RALGAPB: variants seen among roughly 807,000 people sequenced by gnomAD.
RALGAPB encodes ral GTPase-activating protein subunit beta.
A neutral mutation model predicts 161.1 loss-of-function variants in RALGAPB; 25 were observed. The observed-to-expected ratio is 0.16, with a 90% CI of 0.11 to 0.22. The LOEUF is 0.22. Ranked by LOEUF, RALGAPB falls within the 10% of genes least tolerant of loss-of-function variation. The probability of loss-of-function intolerance (pLI) is 1.00; values close to 1 mark genes in which losing one functional copy is unlikely to be tolerated. For synonymous variants in RALGAPB, 629 were observed against 626.1 expected (o/e 1.00, Z -0.07); for missense variants, 1,391 against 1,815.2 (o/e 0.77, Z 4.25).
chr20:38,491,009 T>C (rs962255689), intron 2 of RALGAPB, among the ~76,000 whole-genome samples: 5 of 152,230 alleles, frequency 3.3e-5, no homozygotes, highest in Admixed American at 2.0e-4. Context: ...GTTTTTCATC[T>C]GATAATTAGG....
At chr20:38,534,344 G>C (rs1568950345) in intron 15 of RALGAPB, 1 of 152,478 alleles carries the variant, frequency 6.6e-6, no homozygotes, top group African/African-American at 2.4e-5. Flanking sequence ...TCTCTTTAAT[G>C]ATCATTCCTT....
At chr20:38,504,797 T>C (rs562146502) in intron 5 of RALGAPB, among the ~76,000 whole-genome samples, 1 of 152,250 alleles carries the variant, frequency 6.6e-6, no homozygotes, top group East Asian at 1.9e-4. Context: ...AAAGAAGACA[T>C]ATAAGTGGCC....
At chr20:38,512,790 C>T (rs897731098) in intron 6 of RALGAPB, among the ~76,000 whole-genome samples, 4 of 152,068 alleles carry the variant, frequency 2.6e-5, no homozygotes, top group South Asian at 2.1e-4. Flanking sequence ...GATGGAGTCT[C>T]GCTCTGTCAC....
At chr20:38,522,694 T>C (rs893782914) in intron 10 of RALGAPB, among the ~76,000 whole-genome samples, 24 of 152,252 alleles carry the variant, frequency 1.6e-4, no homozygotes, top group African/African-American at 5.1e-4. Context: ...TTTATAGATA[T>C]GAAAAAGAAT....
chr20:38,527,966 G>T (rs1052847703), intron 13 of RALGAPB, among the ~76,000 whole-genome samples: 4 of 152,150 alleles, frequency 2.6e-5, no homozygotes, highest in Non-Finnish European at 4.4e-5. Flanking sequence ...TTCTGTCCTA[G>T]CCTTTCCAGG....
At chr20:38,486,067 T>A (rs2085106258) in intron 1 of RALGAPB, among the ~76,000 whole-genome samples, 1 of 151,714 alleles carries the variant, frequency 6.6e-6, no homozygotes, top group Admixed American at 6.6e-5. Flanking sequence ...CCTCCCGGTT[T>A]CACGTGATTT....
intron 6 of RALGAPB, among the ~76,000 whole-genome samples, chr20:38,510,403 AT>A (rs1179515633): frequency 6.6e-6 from 1 of 152,202 alleles, no homozygotes; most frequent in Non-Finnish European, 1.5e-5. Flanking sequence ...ATTTACTGAT[AT>A]TTAGTAGGTC....
intron 26 of RALGAPB, among the ~76,000 whole-genome samples, chr20:38,567,990 T>G (rs1379050408): frequency 6.6e-6 from 1 of 152,164 alleles, no homozygotes; most frequent in Non-Finnish European, 1.5e-5. Context: ...AATCAGGAGT[T>G]TTTAAAAGGT....
chr20:38,564,693 T>C (rs958076038), intron 24 of RALGAPB, among the ~76,000 whole-genome samples: 1 of 152,176 alleles, frequency 6.6e-6, no homozygotes, highest in Non-Finnish European at 1.5e-5. Flanking sequence ...TTACTAAAAC[T>C]GGCTGTACAT....
Position 38,558,430 on chromosome 20 carries a change from C to T in RALGAPB, c.3508C>T (p.Pro1170Ser). The T allele has an allele frequency of 6.3e-7, 1 of 1,594,090 alleles. No individual in the cohort carries two copies. Among genetic ancestry groups the T allele is most frequent in the Non-Finnish European group, 8.5e-7 (1 of 1,169,814 alleles). The change falls in exon 23 of 30, where the codon CCA (proline) becomes TCA (serine). Residue 1170 changes from proline to serine, a missense_variant. Transcript: ENST00000262879. ...FDTVFIFYMK[P>S]GQKTNQEILK... ...CACAGTTTTTATTTTCTATATGAAG[C>T]CAGGTCAGAAAACGAACCAAGAGGT...
intron 17 of RALGAPB, 150 bp downstream of exon 17, chr20:38,540,108 T>C: frequency 1.5e-6 from 1 of 656,342 alleles, no homozygotes. Context: ...CTTGTCCTTT[T>C]GGGTACAACT....
chr20:38,515,880 C>T (rs1156338122), intron 6 of RALGAPB, among the ~76,000 whole-genome samples: 3 of 152,042 alleles, frequency 2.0e-5, no homozygotes, highest in Non-Finnish European at 4.4e-5. Context: ...ACCATAGGCA[C>T]GTGCCACCAT....
At chr20:38,502,353 A>T (rs888535853) in intron 5 of RALGAPB, among the ~76,000 whole-genome samples, 7 of 152,328 alleles carry the variant, frequency 4.6e-5, no homozygotes, top group African/African-American at 1.7e-4. Flanking sequence ...AAGTAATACC[A>T]TGAGACCCAT....
intron 16 of RALGAPB, 99 bp downstream of exon 16, chr20:38,535,306 C>T: frequency 7.5e-7 from 1 of 1,341,738 alleles, no homozygotes; most frequent in Non-Finnish European, 1.0e-6. Context: ...TAGTGTTGAT[C>T]ATGCTCAAAC....
At chr20:38,507,107 G>T (rs1187040575) in intron 5 of RALGAPB, among the ~76,000 whole-genome samples, 1 of 152,070 alleles carries the variant, frequency 6.6e-6, no homozygotes, top group Non-Finnish European at 1.5e-5. Flanking sequence ...GGAAAATGTA[G>T]GGACAGATAC....
chr20:38,485,449 T>G (rs1290936977), intron 1 of RALGAPB, among the ~76,000 whole-genome samples: 1 of 152,160 alleles, frequency 6.6e-6, no homozygotes, highest in African/African-American at 2.4e-5. Context: ...TTTTTTGAGA[T>G]GGAGTCTTGC....
intron 22 of RALGAPB, among the ~76,000 whole-genome samples, chr20:38,557,019 A>G (rs1208869936): frequency 6.6e-6 from 1 of 152,160 alleles, no homozygotes; most frequent in Non-Finnish European, 1.5e-5. Flanking sequence ...TATGTAATTG[A>G]CTAGAAGGCT....
At chr20:38,486,946 A>G (rs1487034189) in intron 1 of RALGAPB, among the ~76,000 whole-genome samples, 3 of 152,180 alleles carry the variant, frequency 2.0e-5, no homozygotes, top group Non-Finnish European at 4.4e-5. Context: ...CACCCAAAAA[A>G]GGCTGACACT....
intron 23 of RALGAPB, among the ~76,000 whole-genome samples, chr20:38,559,151 A>G (rs1258081733): frequency 3.9e-5 from 6 of 152,262 alleles, no homozygotes; most frequent in Admixed American, 2.6e-4. Flanking sequence ...TCAGATTCAC[A>G]AGACAAAAGA....
Sources: gnomAD v4.1 joint callset for allele counts (sites outside exome capture counted in the v4.1 genomes callset) on GRCh38, gnomAD v4.1.1 for gene constraint, MANE v1.5 for transcripts, NCBI Gene and HGNC (gene_info 2026-07-23, HGNC 2026-07-21) for gene names.